The following CSMD1 variants were observed in gnomAD, a reference collection of about 807,000 sequenced individuals.
The protein encoded by CSMD1 is CUB and sushi domain-containing protein 1.
In CSMD1, 213 loss-of-function variants were observed where a neutral mutation model predicts 417.5. That is an observed-to-expected ratio of 0.51 (90% CI 0.46 to 0.57). CSMD1 has a LOEUF of 0.57. CSMD1 is among the 20% of genes least tolerant of loss of function. The pLI, the probability that CSMD1 is intolerant of heterozygous loss-of-function variation, is 0.00. For missense variants in CSMD1, 6,923 were observed against 4,529.7 expected, an observed-to-expected ratio of 1.53 and a Z score of -15.17; for synonymous variants, 2,862 against 1,736.8, an observed-to-expected ratio of 1.65 and a Z score of -16.11.
At chr8:4,327,620 C>A (rs751282001) in intron 3 of CSMD1, among the ~76,000 whole-genome samples, 1 of 152,180 alleles carries the variant, frequency 6.6e-6, no homozygotes, top group South Asian at 2.1e-4. Context: ...GGGGAAAAAG[C>A]CCCCAAAAAC....
chr8:3,659,342 G>T (rs1041251034), intron 7 of CSMD1, among the ~76,000 whole-genome samples: 3 of 152,116 alleles, frequency 2.0e-5, no homozygotes, highest in Non-Finnish European at 2.9e-5. Flanking sequence ...TTTTCATTTT[G>T]CACTTGCCAA....
intron 10 of CSMD1, among the ~76,000 whole-genome samples, chr8:3,526,962 G>C (rs1312506264): frequency 1.3e-5 from 2 of 152,044 alleles, no homozygotes; most frequent in Non-Finnish European, 2.9e-5. Context: ...CTATGTTGTT[G>C]GGTGCAGCCC....
chr8:3,511,087 G>T (rs1797046409), intron 10 of CSMD1, among the ~76,000 whole-genome samples: 1 of 151,744 alleles, frequency 6.6e-6, no homozygotes, highest in South Asian at 2.1e-4. Flanking sequence ...GCAGGGACAT[G>T]GATGAAGCTG....
chr8:3,831,876 G>C (rs902409576), intron 5 of CSMD1, among the ~76,000 whole-genome samples: 5 of 152,022 alleles, frequency 3.3e-5, no homozygotes, highest in South Asian at 2.1e-4. Context: ...TTGTGATTCA[G>C]GTCATACAAT....
At position 4,655,772 on chromosome 8, in the gene CSMD1, G is replaced by C. The variant is rs146239827; in HGVS notation, c.86-18214C>G. 2.1e-4 allele frequency among the ~76,000 whole-genome samples: 32 copies of C among 152,150 alleles called. No homozygotes were observed. In the South Asian group the frequency reaches 6.4e-3, roughly 31 times the overall value. ...TACTCACACTAATAGTATAATTTAC[G>C]TTGATATAATATCAAATCAATTACT... is the stretch of plus-strand genomic sequence containing the variant. On this transcript the variant is annotated intron_variant, in intron 1 of 69. Coordinates refer to ENST00000635120, the MANE Select transcript of CSMD1 (RefSeq NM_033225.6).
intron 5 of CSMD1, among the ~76,000 whole-genome samples, chr8:3,877,840 T>G (rs1354121469): frequency 2.6e-5 from 4 of 152,172 alleles, no homozygotes; most frequent in African/African-American, 9.7e-5. Context: ...CTGACTTAAA[T>G]TTTGTCTAAT....
chr8:4,133,653 C>T (rs947988710), intron 3 of CSMD1, among the ~76,000 whole-genome samples: 2 of 152,146 alleles, frequency 1.3e-5, no homozygotes, highest in Admixed American at 1.3e-4. Flanking sequence ...TCTAAAATCT[C>T]CATGTAAGTG....
intron 7 of CSMD1, among the ~76,000 whole-genome samples, chr8:3,632,676 T>C (rs1796843947): frequency 6.6e-6 from 1 of 152,236 alleles, no homozygotes; most frequent in Non-Finnish European, 1.5e-5. Context: ...ACCCTAATGA[T>C]TCATCCATCA....
chr8:3,531,089 G>C (rs1005616425), intron 10 of CSMD1, among the ~76,000 whole-genome samples: 4 of 151,440 alleles, frequency 2.6e-5, no homozygotes. Context: ...TCAAACTCCT[G>C]ACCTCAGGTG....
chr8:3,755,108 G>C (rs1797582218), intron 5 of CSMD1, among the ~76,000 whole-genome samples: 1 of 152,164 alleles, frequency 6.6e-6, no homozygotes, highest in African/African-American at 2.4e-5. Flanking sequence ...TGCTTACTAA[G>C]GAATAAAAGC....
chr8:3,775,159 G>A (rs553469823), intron 5 of CSMD1, among the ~76,000 whole-genome samples: 7 of 152,184 alleles, frequency 4.6e-5, no homozygotes, highest in Non-Finnish European at 1.0e-4. Context: ...AGGAACTACT[G>A]TATTTCTTTA....
intron 2 of CSMD1, among the ~76,000 whole-genome samples, chr8:4,528,772 G>C (rs1796648164): frequency 8.0e-6 from 1 of 125,292 alleles, no homozygotes; most frequent in African/African-American, 3.2e-5. Flanking sequence ...TTTCACATAA[G>C]AGCTCACTTT....
intron 5 of CSMD1, among the ~76,000 whole-genome samples, chr8:3,846,584 T>C (rs1382849549): frequency 6.6e-6 from 1 of 152,180 alleles, no homozygotes; most frequent in Non-Finnish European, 1.5e-5. Context: ...AAGTTGACAT[T>C]TAAAATAAAT....
chr8:4,045,334 T>C (rs563363782), intron 3 of CSMD1, among the ~76,000 whole-genome samples: 18 of 152,262 alleles, frequency 1.2e-4, no homozygotes, highest in Non-Finnish European at 2.9e-5. Context: ...GGACCATCAA[T>C]TGTGTATGAT....
At chr8:3,935,623 G>A (rs569943811) in intron 5 of CSMD1, among the ~76,000 whole-genome samples, 4 of 152,010 alleles carry the variant, frequency 2.6e-5, no homozygotes, top group African/African-American at 9.7e-5. Flanking sequence ...AATTGTTTGG[G>A]GGCCCCATAT....
intron 11 of CSMD1, among the ~76,000 whole-genome samples, chr8:3,473,547 C>G (rs61007163): frequency 0.12 from 17,858 of 152,086 alleles, 1,270 homozygotes; most frequent in East Asian, 0.21. Flanking sequence ...TTCTTTAAAA[C>G]AAAGAAGCAA....
intron 11 of CSMD1, among the ~76,000 whole-genome samples, chr8:3,481,972 G>A (rs1238823877): frequency 1.3e-5 from 2 of 152,192 alleles, no homozygotes; most frequent in African/African-American, 4.8e-5. Context: ...TGTATCAGTA[G>A]ACTGTTATAA....
chr8:4,318,202 A>G (rs923239876), intron 3 of CSMD1, among the ~76,000 whole-genome samples: 1 of 152,112 alleles, frequency 6.6e-6, no homozygotes. Flanking sequence ...CATGTGAATG[A>G]TAATTATTAC....
chr8:4,494,363 C>CT (rs1801874177), intron 2 of CSMD1, among the ~76,000 whole-genome samples: 1 of 152,144 alleles, frequency 6.6e-6, no homozygotes, highest in South Asian at 2.1e-4. Flanking sequence ...ACATTTGAGA[C>CT]TTACTAAAGT....
Sources: gnomAD v4.1 joint callset for allele counts (sites outside exome capture counted in the v4.1 genomes callset) on GRCh38, gnomAD v4.1.1 for gene constraint, MANE v1.5 for transcripts, NCBI Gene and HGNC (gene_info 2026-07-23, HGNC 2026-07-21) for gene names.